DMD: variants seen among roughly 807,000 people sequenced by gnomAD.
DMD encodes mutant dystrophin.
In DMD, 63 loss-of-function variants were observed where a neutral mutation model predicts 330.1. The observed-to-expected ratio is 0.19, with a 90% CI of 0.16 to 0.24. The LOEUF (loss-of-function observed/expected upper bound fraction) is 0.24, where lower values mean the gene tolerates loss of function less well. Among genes scored for constraint, DMD ranks in the 10% least tolerant of loss-of-function variants. The pLI, the probability that DMD is intolerant of heterozygous loss-of-function variation, is 1.00. For synonymous variants in DMD, 1,223 were observed against 959.8 expected (o/e 1.27, Z -5.07); for missense variants, 3,344 against 2,684.1 (o/e 1.25, Z -5.43).
Position 32,055,961 on chromosome X carries a change from T to G in DMD, c.6439-87447A>C, listed in dbSNP as rs143517726. Among the ~76,000 whole-genome samples, 859 of 111,193 alleles carry G rather than the reference T, an allele frequency of 7.7e-3. 8 individuals carry two copies. The highest frequency in any genetic ancestry group is 0.026 in the African/African-American group (785 of 30,721). On this transcript the variant is annotated intron_variant, in intron 44 of 78. Transcript: ENST00000357033. ...ACCCTCAGTTTCTCCATCTTGGAAATAAGAAAGTTAGATGTAATGATAACA... is the reference window on the plus strand; with the variant it reads ...ACCCTCAGTTTCTCCATCTTGGAAAGAAGAAAGTTAGATGTAATGATAACA...
At position 32,926,715 on chromosome X, in the gene DMD, G is replaced by A. The variant is rs184537440; in HGVS notation, c.94-76895C>T. ...TGCAGTGAACCGAGATCAAGCCACT[G>A]CACTCCTGCCTGGGAGACGGAGCAA... On this transcript the variant is annotated intron_variant, in intron 2 of 78. Coordinates refer to ENST00000357033, the MANE Select transcript of DMD (RefSeq NM_004006.3). 5.7e-3 allele frequency among the ~76,000 whole-genome samples: 590 copies of A among 103,024 alleles called. 2 individuals carry two copies. The highest frequency in any genetic ancestry group is 0.015 in the Middle Eastern group (3 of 206). The allele number at this position is 103,024 out of a possible 115,157, so 89.5% of individuals were successfully genotyped here.
At chrX:31,288,953 A>C (rs890500668) in intron 62 of DMD, among the ~76,000 whole-genome samples, 2 of 110,821 alleles carry the variant, frequency 1.8e-5, no homozygotes, top group African/African-American at 6.6e-5. Flanking sequence ...CCTCTCTGTC[A>C]ACATTTTTGC....
intron 63 of DMD, among the ~76,000 whole-genome samples, chrX:31,241,310 A>C (rs951187351): frequency 3.6e-5 from 4 of 111,310 alleles, no homozygotes; most frequent in Non-Finnish European, 5.7e-5. Flanking sequence ...TTGCAATGTG[A>C]GAAAATTACC....
In DMD at chrX:31,150,685, C is replaced by A. The variant is rs76504963; in HGVS notation, c.10554-3167G>T. On this transcript the variant is annotated intron_variant, in intron 74 of 78. Transcript: ENST00000357033. ...ATTGTCCAGTTTGAGAAAGCAAGATCATCTCATCACCAGGTCTGCTAAATA... is the reference window on the plus strand; with the variant it reads ...ATTGTCCAGTTTGAGAAAGCAAGATAATCTCATCACCAGGTCTGCTAAATA... Among the ~76,000 whole-genome samples the A allele has an allele frequency of 5.9e-4, 66 of 111,883 alleles. 2 individuals carry two copies. The East Asian group carries it at 0.018, about 30-fold the overall frequency.
chrX:33,262,527 A>G (rs1033890775), intron 1 of DMD, among the ~76,000 whole-genome samples: 31 of 111,072 alleles, frequency 2.8e-4, no homozygotes, highest in African/African-American at 9.8e-4. Context: ...GCTAAATATA[A>G]ATCTATGGTA....
intron 60 of DMD, among the ~76,000 whole-genome samples, chrX:31,438,010 C>G (rs1473610137): frequency 1.8e-5 from 2 of 110,432 alleles, no homozygotes; most frequent in Non-Finnish European, 3.8e-5. Flanking sequence ...CAGTTCTAGA[C>G]CATGTGATTT....
chrX:33,232,806 C>T (rs898652874), intron 1 of DMD, among the ~76,000 whole-genome samples: 1 of 111,277 alleles, frequency 9.0e-6, no homozygotes, highest in Non-Finnish European at 1.9e-5. Flanking sequence ...GCATGAGAAT[C>T]GCTTAAACCC....
chrX:31,823,716 CTACTACTGAGTAG>C (rs1399865495), intron 49 of DMD, among the ~76,000 whole-genome samples: 2 of 110,073 alleles, frequency 1.8e-5, no homozygotes, highest in African/African-American at 6.6e-5. Context: ...CTACTCAGTA[CTACTACTGAGTAG>C]TACTACTGAG....
chrX:32,619,447 G>A (rs1005270158), intron 11 of DMD, among the ~76,000 whole-genome samples: 21 of 111,299 alleles, frequency 1.9e-4, no homozygotes, highest in African/African-American at 6.5e-4. Context: ...GAGAGAGGAC[G>A]TTAAATATTC....
At chrX:31,889,251 C>T (rs980022255) in intron 47 of DMD, among the ~76,000 whole-genome samples, 1 of 111,835 alleles carries the variant, frequency 8.9e-6, no homozygotes, top group Non-Finnish European at 1.9e-5. Context: ...TCATGAGCAG[C>T]ACTGTTATTC....
chrX:33,337,651 T>G (rs904121678), intron 1 of DMD, among the ~76,000 whole-genome samples: 4 of 112,209 alleles, frequency 3.6e-5, no homozygotes, highest in African/African-American at 1.3e-4. Context: ...TAAAAAGTAG[T>G]CATCCAAATC....
At chrX:32,287,441 T>G in intron 43 of DMD, 88 bp downstream of exon 43, 1 of 928,483 alleles carries the variant, frequency 1.1e-6, no homozygotes, top group East Asian at 3.1e-5. Flanking sequence ...CCTGTCTTTT[T>G]TCCATGGAGG....
At chrX:33,303,703 T>A (rs2053704997) in intron 1 of DMD, among the ~76,000 whole-genome samples, 1 of 111,377 alleles carries the variant, frequency 9.0e-6, no homozygotes, top group Non-Finnish European at 1.9e-5. Context: ...CCCCTTTGCT[T>A]GGCTCTCATT....
At chrX:31,524,730 A>G (rs1459131689) in intron 55 of DMD, among the ~76,000 whole-genome samples, 3 of 112,438 alleles carry the variant, frequency 2.7e-5, no homozygotes, top group Non-Finnish European at 5.6e-5. Context: ...AAACTCCTTG[A>G]GCACGGAAGT....
intron 26 of DMD, among the ~76,000 whole-genome samples, chrX:32,450,023 TG>T (rs756828108): frequency 9.0e-5 from 10 of 110,750 alleles, no homozygotes; most frequent in Middle Eastern, 4.6e-3. Flanking sequence ...GTGAAGAAAT[TG>T]GGGTATTATT....
At chrX:32,956,900 T>C (rs1212752072) in intron 2 of DMD, among the ~76,000 whole-genome samples, 1 of 112,005 alleles carries the variant, frequency 8.9e-6, no homozygotes, top group African/African-American at 3.2e-5. Context: ...CTCTCACTGT[T>C]ACAAAGTTTG....
At chrX:33,077,815 C>T (rs1174781556) in intron 1 of DMD, among the ~76,000 whole-genome samples, 1 of 112,215 alleles carries the variant, frequency 8.9e-6, no homozygotes, top group Non-Finnish European at 1.9e-5. Context: ...GAATTAACCT[C>T]AAGAATAGCT....
intron 62 of DMD, among the ~76,000 whole-genome samples, chrX:31,277,460 A>T (rs745671242): frequency 1.8e-5 from 2 of 112,331 alleles, no homozygotes; most frequent in African/African-American, 6.5e-5. Flanking sequence ...TATTTGGATT[A>T]TTGATAAGGA....
chrX:31,313,735 G>A (rs73466334), intron 62 of DMD, among the ~76,000 whole-genome samples: 3,915 of 108,548 alleles, frequency 0.036, 179 homozygotes, highest in African/African-American at 0.12. Flanking sequence ...ATGATTTTAA[G>A]TATCAATTCT....
Sources: allele counts gnomAD v4.1 joint callset (sites outside exome capture counted in the v4.1 genomes callset), GRCh38; gene constraint gnomAD v4.1.1; transcripts MANE v1.5; gene names NCBI Gene and HGNC (gene_info 2026-07-23, HGNC 2026-07-21).